HAGHL: variants seen among roughly 807,000 people sequenced by gnomAD.
The protein encoded by HAGHL is hydroxyacylglutathione hydrolase like, also known as hydroxyacylglutathione hydrolase-like protein.
In HAGHL, 27 loss-of-function variants were observed where a neutral mutation model predicts 29.2. The observed-to-expected ratio is 0.92, with a 90% CI of 0.68 to 1.27. The LOEUF is 1.27. Among genes scored for constraint, HAGHL ranks in the 50% most tolerant of loss-of-function variants. The pLI is 0.00. For synonymous variants in HAGHL, 223 were observed against 185.7 expected (o/e 1.20, Z -1.63); for missense variants, 529 against 405.5 (o/e 1.30, Z -2.62).
rs2041232217 is a variant in HAGHL at position 729,316 on chromosome 16, A to C, written c.709A>C (p.Lys237Gln). 1 of 1,533,056 alleles carries C rather than the reference A, an allele frequency of 6.5e-7. No individual in the cohort carries two copies. Among genetic ancestry groups the C allele is most frequent in the Non-Finnish European group, 8.8e-7 (1 of 1,140,564 alleles). 95.0% of individuals were successfully genotyped at this position (1,533,056 alleles called of 1,614,324 possible). ...GGAGCCGGTGCGCAAGTTCACGGGC[A>C]AGGCGGTCCCCGCCGACGTCCTGGA... Reference protein sequence around the residue: ...AEEPVRKFTGKAVPADVLEAL... With the variant: ...AEEPVRKFTGQAVPADVLEAL... The change falls in exon 8 of 8, where the codon AAG becomes CAG. Residue 237 changes from lysine to glutamine, a missense_variant. Coordinates refer to ENST00000389703, the MANE Select transcript of HAGHL (RefSeq NM_032304.4).
chr16:728,614 C>A lies in HAGHL; in HGVS notation c.498+10C>A. The A allele has an allele frequency of 7.0e-7, 1 of 1,438,236 alleles. No individual in the cohort carries two copies. The allele number at this position is 1,438,236 out of a possible 1,614,324, so 89.1% of individuals were successfully genotyped here. A position where few individuals can be genotyped will look rare whatever the true frequency, so the allele number is the denominator to read the frequency against. On this transcript the variant is annotated intron_variant, in intron 5 of 7. Coordinates refer to ENST00000389703, the MANE Select transcript of HAGHL (RefSeq NM_032304.4). ...CCTGCCCCCCGAGACGGTGAGCGGG[C>A]CTGGGCCCTCCCCTCTTCTCCCGTG... is the stretch of plus-strand genomic sequence containing the variant.
Position 729,030 on chromosome 16 carries a change from C to G in HAGHL, c.622C>G (p.Pro208Ala), listed in dbSNP as rs751753697. 1.2e-6 allele frequency: 2 copies of G among 1,610,008 alleles called. No homozygotes were observed. ...WAKKRDEDDV[P>A]TVPSTLGEER... ...CCAGAAGAGGGATGAGGATGACGTG[C>G]CCACTGTGCCGTCGACTCTGGGCGA... The change falls in exon 7 of 8, where the codon CCC becomes GCC. Residue 208 changes from proline to alanine, a missense_variant. Coordinates refer to ENST00000389703, the MANE Select transcript of HAGHL (RefSeq NM_032304.4).
At position 729,430 on chromosome 16, in the gene HAGHL, C is replaced by A. The variant is rs372809550; in HGVS notation, c.823C>A (p.Leu275Ile). ...GGCCCTCCTTGCGCTGCAGTGGGGGCTCCTGAGTGCAGCCCCACACGACTG... is the reference window on the plus strand; with the variant it reads ...GGCCCTCCTTGCGCTGCAGTGGGGGATCCTGAGTGCAGCCCCACACGACTG... ...ARALLALQWG[L>I]LSAAPHD is the part of the protein sequence containing the mutation. The change falls in exon 8 of 8, where the codon CTC becomes ATC. Residue 275 changes from leucine to isoleucine, a missense_variant. Transcript: ENST00000389703. The A allele has an allele frequency of 3.6e-3, 5,542 of 1,532,990 alleles. 163 individuals carry two copies. The South Asian group carries it at 0.051, about 14-fold the overall frequency. 95.0% of individuals were successfully genotyped at this position (1,532,990 alleles called of 1,614,324 possible).
At position 729,531 on chromosome 16, in the gene HAGHL, C is replaced by T; in HGVS notation, c.*75C>T. ...CGGCCAGCTGGACCCACATGAGGGC[C>T]ACCTCTGGAACCTTCTTCGAGGCCC... On this transcript the variant is annotated 3_prime_UTR_variant, in exon 8 of 8. Transcript: ENST00000389703. 6.5e-7 allele frequency: 1 copy of T among 1,534,614 alleles called. No homozygotes were observed. The highest frequency in any genetic ancestry group is 8.7e-7 in the Non-Finnish European group (1 of 1,146,058).
chr16:729,238 G>C (rs767094975), intron 7 of HAGHL, 50 bp from the exon 8 acceptor site: 21 of 1,537,412 alleles, frequency 1.4e-5, no homozygotes, highest in Non-Finnish European at 1.8e-5. Flanking sequence ...TCGGCGCCAT[G>C]CTCCCGCGTG....
At position 727,558 on chromosome 16, in the gene HAGHL, G is replaced by A. The variant is rs757097281; in HGVS notation, c.49G>A (p.Val17Ile). The A allele has an allele frequency of 1.2e-6, 2 of 1,612,084 alleles. No homozygotes were observed. The highest frequency in any genetic ancestry group is 1.7e-5 in the Admixed American group (1 of 59,980). Residue 17 changes from valine to isoleucine, a missense_variant, in exon 1 of 8, where the codon GTC (valine) becomes ATC (isoleucine). Val to Ile is a conservative substitution (Grantham distance 29). Coordinates refer to ENST00000389703, the MANE Select transcript of HAGHL (RefSeq NM_032304.4). ...PVLEDNYMYL[V>I]IEELTREAVA... ...GCTCGAGGACAACTACATGTACCTG[G>A]TCATCGAGGAGCTCACGCGCGAGGC...
At chr16:727,765 CG>C in intron 1 of HAGHL, 151 bp downstream of exon 1, 1 of 725,106 alleles carries the variant, frequency 1.4e-6, no homozygotes, top group East Asian at 2.8e-5. Flanking sequence ...CCTGAAGTTA[CG>C]GCACCTCTGG....
intron 1 of HAGHL, 89 bp downstream of exon 1, chr16:727,703 C>G: frequency 3.4e-6 from 3 of 887,336 alleles, no homozygotes; most frequent in Non-Finnish European, 5.3e-6. Context: ...CCCACGTGCT[C>G]TGCTCTCCGG....
In HAGHL at chr16:727,957, C is replaced by A. The variant is rs768413623; in HGVS notation, c.106-8C>A. On this transcript the variant is annotated splice_polypyrimidine_tract_variant and splice_region_variant and intron_variant, in intron 1 of 7. Coordinates refer to ENST00000389703, the MANE Select transcript of HAGHL (RefSeq NM_032304.4). ...CGTCTGTGTTACCGTCACTCCCGTC[C>A]CTTTCAGCTGCTGGAGATCGTGGGC... 1.2e-6 allele frequency: 2 copies of A among 1,606,880 alleles called. No homozygotes were observed. Among genetic ancestry groups the A allele is most frequent in the Admixed American group, 3.4e-5 (2 of 59,660 alleles).
At chr16:728,655 C>T (rs755022396) in intron 5 of HAGHL, 51 bp downstream of exon 5, 7 of 1,283,182 alleles carry the variant, frequency 5.5e-6, no homozygotes, top group Admixed American at 2.2e-5. Flanking sequence ...AGCCCCCACG[C>T]TCCGCACCCT....
chr16:729,679 C>A lies in HAGHL; in HGVS notation c.*223C>A. 1.3e-6 allele frequency: 2 copies of A among 1,502,912 alleles called. No homozygotes were observed. The highest frequency in any genetic ancestry group is 1.8e-6 in the Non-Finnish European group (2 of 1,130,292). The allele number at this position is 1,502,912 out of a possible 1,614,324, so 93.1% of individuals were successfully genotyped here. On this transcript the variant is annotated 3_prime_UTR_variant, in exon 8 of 8. Transcript: ENST00000389703. ...CTGGGTGTCTGGGAAGTGGGGCACACGGGGCCTCCGAACTATGAATAAAGC... is the reference window on the plus strand; with the variant it reads ...CTGGGTGTCTGGGAAGTGGGGCACAAGGGGCCTCCGAACTATGAATAAAGC...
chr16:727,378 C>T lies in HAGHL; in HGVS notation c.-132C>T. 1.7e-6 allele frequency: 1 copy of T among 572,384 alleles called. No individual in the cohort carries two copies. The highest frequency in any genetic ancestry group is 3.2e-6 in the Non-Finnish European group (1 of 315,036). The allele number at this position is 572,384 out of a possible 1,614,324, so 35.5% of individuals were successfully genotyped here. A position where few individuals can be genotyped will look rare whatever the true frequency, so the allele number is the denominator to read the frequency against. ...CTGGGGAGCCGGGCTTCTCTTTTGGCCCCCAGCGTGTTGACCGAGCCCGCT... is the reference window on the plus strand; with the variant it reads ...CTGGGGAGCCGGGCTTCTCTTTTGGTCCCCAGCGTGTTGACCGAGCCCGCT... On this transcript the variant is annotated 5_prime_UTR_variant, in exon 1 of 8. Coordinates refer to ENST00000389703, the MANE Select transcript of HAGHL (RefSeq NM_032304.4).
At chr16:728,254 G>A in intron 3 of HAGHL, 21 bp downstream of exon 3, 1 of 1,500,964 alleles carries the variant, frequency 6.7e-7, no homozygotes, top group Admixed American at 2.1e-5. Context: ...GCTCCCGGGA[G>A]GGGCGGGGAG....
In HAGHL at chr16:729,324, C is replaced by A. The variant is rs1027673097; in HGVS notation, c.717C>A (p.Val239=). The A allele has an allele frequency of 1.3e-6, 2 of 1,532,792 alleles. No homozygotes were observed. Among genetic ancestry groups the A allele is most frequent in the African/African-American group, 2.8e-5 (2 of 72,154 alleles). The allele number at this position is 1,532,792 out of a possible 1,614,324, so 94.9% of individuals were successfully genotyped here. Residue 239 remains valine, a synonymous_variant, in exon 8 of 8, where the codon GTC becomes GTA. Transcript: ENST00000389703. ...TGCGCAAGTTCACGGGCAAGGCGGT[C>A]CCCGCCGACGTCCTGGAGGCGCTAT... ...EPVRKFTGKA[V]PADVLEALCK...
Position 727,281 on chromosome 16 carries a change from G to C in HAGHL, c.-229G>C, listed in dbSNP as rs1028138988. ...CGGACTGGGGGCGGAGCCGGGGCTG[G>C]TTGGGGACCGGCCGGGTTCCGCTCC... is the stretch of plus-strand genomic sequence containing the variant. On this transcript the variant is annotated 5_prime_UTR_variant, in exon 1 of 8. Coordinates refer to ENST00000389703, the MANE Select transcript of HAGHL (RefSeq NM_032304.4). The C allele has an allele frequency of 1.1e-5, 5 of 473,422 alleles. No homozygotes were observed. Among genetic ancestry groups the C allele is most frequent in the African/African-American group, 1.0e-4 (5 of 48,572 alleles). The allele number at this position is 473,422 out of a possible 1,614,324, so 29.3% of individuals were successfully genotyped here.
At position 729,444 on chromosome 16, in the gene HAGHL, C is replaced by T. The variant is rs1415438993; in HGVS notation, c.837C>T (p.Ala279=). The change falls in exon 8 of 8, where the codon GCC becomes GCT. Residue 279 remains alanine (A), a synonymous_variant. Transcript: ENST00000389703. ...TGCAGTGGGGGCTCCTGAGTGCAGC[C>T]CCACACGACTGAGCCACCCAGACCC... is the stretch of plus-strand genomic sequence containing the variant. ...LALQWGLLSA[A]PHD is the part of the protein sequence containing the mutation. 23 of 1,537,144 alleles carry T rather than the reference C, an allele frequency of 1.5e-5. No individual in the cohort carries two copies. Among genetic ancestry groups the T allele is most frequent in the Admixed American group, 8.1e-5 (4 of 49,180 alleles).
Position 728,386 on chromosome 16 carries a change from G to A in HAGHL, c.359G>A (p.Trp120Ter). 4 of 1,577,828 alleles carry A rather than the reference G, an allele frequency of 2.5e-6. No homozygotes were observed. Among genetic ancestry groups the A allele is most frequent in the Non-Finnish European group, 3.4e-6 (4 of 1,165,752 alleles). Residue 120 changes from tryptophan to a stop codon, truncating the protein, a stop_gained, in exon 4 of 8, where the codon TGG (tryptophan) becomes TAG (stop). Coordinates refer to ENST00000389703, the MANE Select transcript of HAGHL (RefSeq NM_032304.4). LOFTEE classifies it high-confidence loss of function. ...HTAGHMSYFL[W>*]EDDCPDPPAL... Reference sequence around the variant, plus strand: ...GCCGGCCACATGAGCTACTTCCTGTGGGAGGACGATTGCCCGGACCCACCC... The same window carrying A: ...GCCGGCCACATGAGCTACTTCCTGTAGGAGGACGATTGCCCGGACCCACCC...
rs1224699479 is a variant in HAGHL, at chr16:729,382, G to A, written c.775G>A (p.Glu259Lys). ...KERARFEQAGEPRQPQARALL... is the reference protein window; with the variant it reads ...KERARFEQAGKPRQPQARALL... The stretch of plus-strand genomic sequence containing the variant: ...GCGGGCGCGCTTCGAACAGGCGGGC[G>A]AGCCGCGGCAGCCACAGGCGCGGGC... The change falls in exon 8 of 8, where the codon GAG (glutamate) becomes AAG (lysine). Residue 259 changes from glutamate (E) to lysine (K), a missense_variant. Glu to Lys is a moderately conservative substitution (Grantham distance 56). Transcript: ENST00000389703. 3.9e-6 allele frequency: 6 copies of A among 1,527,048 alleles called. No individual in the cohort carries two copies. Among genetic ancestry groups the A allele is most frequent in the African/African-American group, 1.4e-5 (1 of 71,914 alleles). 94.6% of individuals were successfully genotyped at this position (1,527,048 alleles called of 1,614,324 possible). A position where few individuals can be genotyped will look rare whatever the true frequency, so the allele number is the denominator to read the frequency against.
chr16:728,023 A>AC lies in HAGHL; in HGVS notation c.164_165insC (p.His56SerfsTer122), dbSNP rs2041117385. On this transcript the variant is annotated frameshift_variant, in exon 2 of 8. Transcript: ENST00000389703. LOFTEE classifies it high-confidence loss of function. ...CTGACCGCTGTGCTGACCACCCACC[A>AC]TCACTGGTGAGCGCCGGCGGGGCGC... is the stretch of plus-strand genomic sequence containing the variant. 1 of 1,594,936 alleles carries AC rather than the reference A, an allele frequency of 6.3e-7. No individual in the cohort carries two copies. Among genetic ancestry groups the AC allele is most frequent in the East Asian group, 2.4e-5 (1 of 42,544 alleles).
Sources: allele counts gnomAD v4.1 joint callset, GRCh38; gene constraint gnomAD v4.1.1; transcripts MANE v1.5; gene names NCBI Gene and HGNC (gene_info 2026-07-23, HGNC 2026-07-21).